Variants in UBE2R2 observed in about 807,000 individuals in gnomAD.
UBE2R2 encodes the protein ubiquitin-conjugating enzyme E2 R2.
Under a neutral mutation model 27.8 loss-of-function variants are expected in UBE2R2, and 1 was observed. The observed-to-expected ratio is 0.04, with a 90% CI of 0.01 to 0.17. The LOEUF is 0.17. Among genes scored for constraint, UBE2R2 ranks in the 10% least tolerant of loss-of-function variants. UBE2R2 has a pLI of 1.00. For synonymous variants in UBE2R2, 106 were observed against 113.3 expected, an observed-to-expected ratio of 0.94 and a Z score of 0.41; for missense variants, 100 against 291.0, an observed-to-expected ratio of 0.34 and a Z score of 4.78.
intron 2 of UBE2R2, among the ~76,000 whole-genome samples, chr9:33,895,294 T>C (rs1409163794): frequency 6.6e-6 from 1 of 152,210 alleles, no homozygotes; most frequent in Non-Finnish European, 1.5e-5. Context: ...CACTACCATT[T>C]ATTGAAGAGT....
At chr9:33,882,162 T>C (rs971240365) in intron 1 of UBE2R2, among the ~76,000 whole-genome samples, 65 of 152,286 alleles carry the variant, frequency 4.3e-4, no homozygotes, top group African/African-American at 1.3e-3. Context: ...TTGTTTTCTT[T>C]AGCACTTACT....
chr9:33,861,762 T>G (rs756574231), intron 1 of UBE2R2, among the ~76,000 whole-genome samples: 1 of 152,172 alleles, frequency 6.6e-6, no homozygotes, highest in Admixed American at 6.6e-5. Context: ...AAAATATGGA[T>G]TGATGAAAGT....
At chr9:33,914,755 G>T (rs949422981) in intron 4 of UBE2R2, among the ~76,000 whole-genome samples, 8 of 151,926 alleles carry the variant, frequency 5.3e-5, no homozygotes, top group Non-Finnish European at 7.4e-5. Context: ...CTTGAACCCG[G>T]GAGGCAGAGG....
rs150147451 is a variant in UBE2R2 at position 33,901,573 on chromosome 9, T to G, written c.362+1302T>G. ...CCCCTTTATTTGTTTATTCAATCAT[T>G]TGTTAAACATTTTTACTGATACAAA... is the stretch of plus-strand genomic sequence containing the variant. On this transcript the variant is annotated intron_variant, in intron 3 of 4. Transcript: ENST00000263228. 9.2e-5 allele frequency among the ~76,000 whole-genome samples: 14 copies of G among 152,342 alleles called. No homozygotes were observed. In the East Asian group the frequency reaches 2.7e-3, roughly 29 times the overall value.
Position 33,917,527 on chromosome 9 carries a change from G to A in UBE2R2, c.*290G>A, listed in dbSNP as rs1314740829. On this transcript the variant is annotated 3_prime_UTR_variant, in exon 5 of 5. Transcript: ENST00000263228. ...TGAACCCAAACTCCCGCCTCACTTC[G>A]TCTCTACAGAATGTTCACAGCAAAA... The A allele has an allele frequency of 2.4e-5, 13 of 548,064 alleles. No individual in the cohort carries two copies. The highest frequency in any genetic ancestry group is 5.6e-5 in the South Asian group (2 of 35,844). The allele number at this position is 548,064 out of a possible 1,614,324, so 34.0% of individuals were successfully genotyped here.
intron 1 of UBE2R2, among the ~76,000 whole-genome samples, chr9:33,876,249 G>A (rs956614495): frequency 3.3e-5 from 5 of 152,054 alleles, no homozygotes; most frequent in African/African-American, 9.7e-5. Flanking sequence ...GTAGCTACTC[G>A]AGAGACTGAA....
At chr9:33,840,644 T>A (rs967148989) in intron 1 of UBE2R2, among the ~76,000 whole-genome samples, 7 of 152,148 alleles carry the variant, frequency 4.6e-5, no homozygotes, top group African/African-American at 1.4e-4. Flanking sequence ...CTCTTTTTTT[T>A]AAATCATGTC....
At chr9:33,862,513 C>G (rs1821262315) in intron 1 of UBE2R2, among the ~76,000 whole-genome samples, 1 of 152,058 alleles carries the variant, frequency 6.6e-6, no homozygotes, top group Non-Finnish European at 1.5e-5. Context: ...GAATTACATG[C>G]CGTGTGCTCT....
At chr9:33,845,395 C>T (rs1195403081) in intron 1 of UBE2R2, among the ~76,000 whole-genome samples, 1 of 151,560 alleles carries the variant, frequency 6.6e-6, no homozygotes, top group African/African-American at 2.4e-5. Flanking sequence ...TACAGGCGCC[C>T]GCCACCACAC....
intron 1 of UBE2R2, among the ~76,000 whole-genome samples, chr9:33,864,925 G>A (rs1445974834): frequency 6.6e-6 from 1 of 151,968 alleles, no homozygotes; most frequent in South Asian, 2.1e-4. Context: ...GGGTTTCGCT[G>A]TGTTGGCTGG....
upstream of UBE2R2, among the ~76,000 whole-genome samples, chr9:33,817,059 G>C (rs1194950139): frequency 6.6e-6 from 1 of 151,784 alleles, no homozygotes; most frequent in Non-Finnish European, 1.5e-5. Flanking sequence ...GGGGAGGGGA[G>C]GGAGGGGCAC....
intron 3 of UBE2R2, among the ~76,000 whole-genome samples, chr9:33,907,363 C>T (rs1382748762): frequency 6.6e-6 from 1 of 152,038 alleles, no homozygotes; most frequent in Non-Finnish European, 1.5e-5. Flanking sequence ...CTTATTGCCT[C>T]GCTGTGGCAT....
At chr9:33,916,988 T>C in intron 4 of UBE2R2, 30 bp from the exon 5 acceptor site, 1 of 1,612,542 alleles carries the variant, frequency 6.2e-7, no homozygotes, top group African/African-American at 1.3e-5. Context: ...AGACTTACCG[T>C]AAACCATTTC....
Position 33,905,446 on chromosome 9 carries a change from TGTGC to T in UBE2R2, c.362+5176_362+5179del, listed in dbSNP as rs1483111166. Among the ~76,000 whole-genome samples, 22 of 152,228 alleles carry T rather than the reference TGTGC, an allele frequency of 1.4e-4. 1 individual carries two copies. Among genetic ancestry groups the T allele is most frequent in the Non-Finnish European group, 2.4e-4 (16 of 68,040 alleles). On this transcript the variant is annotated intron_variant, in intron 3 of 4. Coordinates refer to ENST00000263228, the MANE Select transcript of UBE2R2 (RefSeq NM_017811.4). ...TTTATTTATTTGCTTCCTTGGTTTT[TGTGC>T]ATGGGGTCCCACTGCCCTCAACCTG...
chr9:33,818,161 A>T (rs1320766733), intron 1 of UBE2R2, among the ~76,000 whole-genome samples: 1 of 151,850 alleles, frequency 6.6e-6, no homozygotes, highest in Non-Finnish European at 1.5e-5. Flanking sequence ...GGCAGGCTGC[A>T]CCGGGAAATC....
intron 1 of UBE2R2, among the ~76,000 whole-genome samples, chr9:33,865,831 T>C (rs1452816017): frequency 6.6e-6 from 1 of 151,458 alleles, no homozygotes; most frequent in Non-Finnish European, 1.5e-5. Flanking sequence ...GTGTGTTTTT[T>C]TTTGTTTTTT....
chr9:33,896,868 A>G (rs1172716692), intron 2 of UBE2R2, among the ~76,000 whole-genome samples: 1 of 151,436 alleles, frequency 6.6e-6, no homozygotes, highest in Non-Finnish European at 1.5e-5. Flanking sequence ...GTCTGTGTCA[A>G]TTTGGATGCC....
At chr9:33,820,104 CAAACAAAACAAAACAAAACA>C in intron 1 of UBE2R2, among the ~76,000 whole-genome samples, 1 of 152,002 alleles carries the variant, frequency 6.6e-6, no homozygotes, top group Non-Finnish European at 1.5e-5. Flanking sequence ...AAAACAAGAG[CAAACAAAACAAAACAAAACA>C]AAACTTGTAC....
In UBE2R2 at chr9:33,911,402, CAAAAAAAAAAAAAAAA is replaced by C. The variant is rs60526576; in HGVS notation, c.363-544_363-529del. On this transcript the variant is annotated intron_variant, in intron 3 of 4. Coordinates refer to ENST00000263228, the MANE Select transcript of UBE2R2 (RefSeq NM_017811.4). ...GGGGAACAAGAGTGAAACTCCATCT[CAAAAAAAAAAAAAAAA>C]AAAAAAAAAAAAAAAAACCTGGTTA... is the stretch of plus-strand genomic sequence containing the variant. 7.4e-3 allele frequency among the ~76,000 whole-genome samples: 395 copies of C among 53,232 alleles called. 6 individuals are homozygous for C. The highest frequency in any genetic ancestry group is 0.036 in the Middle Eastern group (1 of 28). The allele number at this position is 53,232 out of a possible 152,430, so 34.9% of individuals were successfully genotyped here. A position where few individuals can be genotyped will look rare whatever the true frequency, so the allele number is the denominator to read the frequency against.
Sources: allele counts gnomAD v4.1 joint callset (sites outside exome capture counted in the v4.1 genomes callset), GRCh38; gene constraint gnomAD v4.1.1; transcripts MANE v1.5; gene names NCBI Gene and HGNC (gene_info 2026-07-23, HGNC 2026-07-21).